Variants in AIG1 observed in about 807,000 individuals in gnomAD.
The protein encoded by AIG1 is androgen induced 1, also known as androgen-induced gene 1 protein.
AIG1 carries 23 observed loss-of-function variants against 31.4 expected under a neutral mutation model. The observed-to-expected ratio is 0.73, with a 90% CI of 0.53 to 1.04. The LOEUF (loss-of-function observed/expected upper bound fraction) is 1.04. Among genes scored for constraint, AIG1 ranks in the 50% least tolerant of loss-of-function variants. The pLI is 0.00. For synonymous variants in AIG1, 100 were observed against 110.5 expected (o/e 0.90, Z 0.60); for missense variants, 274 against 295.0 (o/e 0.93, Z 0.52).
rs1041845868 is a variant in AIG1, at chr6:143,234,673, T to C, written c.400-49437T>C. Among the ~76,000 whole-genome samples the C allele has an allele frequency of 5.3e-5, 8 of 152,216 alleles. 1 individual carries two copies. The highest frequency in any genetic ancestry group is 6.5e-5 in the Admixed American group (1 of 15,280). On this transcript the variant is annotated intron_variant, in intron 3 of 5. Coordinates refer to ENST00000357847, the MANE Select transcript of AIG1 (RefSeq NM_016108.4). ...CCTTTTTTTAACTGAGATTTTCAAG[T>C]GTTCTTTCTGGAATCGGGTGAGTGA...
intron 2 of AIG1, among the ~76,000 whole-genome samples, chr6:143,145,751 A>C (rs2128537403): frequency 6.6e-6 from 1 of 152,358 alleles, no homozygotes; most frequent in Middle Eastern, 3.4e-3. Flanking sequence ...AATAAGTAAC[A>C]AATTTAGGGA....
rs927797363 is a variant in AIG1 at position 143,291,188 on chromosome 6, G to A, written c.515+6963G>A. On this transcript the variant is annotated intron_variant, in intron 4 of 5. Coordinates refer to ENST00000357847, the MANE Select transcript of AIG1 (RefSeq NM_016108.4). The surrounding 1 kb of genome is among the most constrained non-coding windows in gnomAD (Gnocchi z 4.2). ...TGGCAGGGCAGAGGGAGGGGGAGCT[G>A]TAAAGCCGCCTGTGATCCCATCATT... is the stretch of plus-strand genomic sequence containing the variant. Among the ~76,000 whole-genome samples the A allele has an allele frequency of 5.3e-5, 8 of 152,188 alleles. No homozygotes were observed. The highest frequency in any genetic ancestry group is 1.0e-4 in the Non-Finnish European group (7 of 68,032).
intron 3 of AIG1, among the ~76,000 whole-genome samples, chr6:143,218,082 G>A (rs555884769): frequency 4.6e-5 from 7 of 152,310 alleles, no homozygotes; most frequent in South Asian, 2.1e-4. Flanking sequence ...TCTCATTTGC[G>A]AATTCACTTA....
intron 4 of AIG1, among the ~76,000 whole-genome samples, chr6:143,289,382 C>T (rs1017247004): frequency 6.6e-6 from 1 of 152,032 alleles, no homozygotes; most frequent in Non-Finnish European, 1.5e-5. Flanking sequence ...AATGTTAATC[C>T]TGGTCAGTTG....
intron 3 of AIG1, among the ~76,000 whole-genome samples, chr6:143,220,533 C>T (rs1190916012): frequency 6.6e-6 from 1 of 152,152 alleles, no homozygotes; most frequent in Non-Finnish European, 1.5e-5. Flanking sequence ...ATTGCCAACT[C>T]TGAAGCTTCA....
chr6:143,301,987 T>C (rs1025098843), intron 4 of AIG1, among the ~76,000 whole-genome samples: 35 of 147,988 alleles, frequency 2.4e-4, no homozygotes, highest in African/African-American at 6.1e-4. Context: ...TTGATCTTAT[T>C]CCAGGTTAAT....
rs1477388884 is a variant in AIG1, at chr6:143,325,339, A to C, written c.516-7943A>C. On this transcript the variant is annotated intron_variant, in intron 4 of 5. Transcript: ENST00000357847. This position sits in a 1 kb window ranked among gnomAD's most constrained non-coding sequence, Gnocchi z 4.3. ...AGACCCTGTACTCTTCCTGGGTCTC[A>C]GTCTGTCCTGATAGTTTCAACCACA... is the stretch of plus-strand genomic sequence containing the variant. 6.6e-6 allele frequency among the ~76,000 whole-genome samples: 1 copy of C among 152,028 alleles called. No homozygotes were observed.
chr6:143,188,057 A>C, intron 3 of AIG1: 4 of 1,073,814 alleles, frequency 3.7e-6, no homozygotes, highest in Non-Finnish European at 4.5e-6. Flanking sequence ...CATTTGCTGA[A>C]GGAGAGGTTG....
At chr6:143,156,140 C>G (rs567263601) in intron 2 of AIG1, among the ~76,000 whole-genome samples, 10 of 152,120 alleles carry the variant, frequency 6.6e-5, no homozygotes. Context: ...TTGGTGCAAA[C>G]GTAATTGTGC....
In AIG1 at chr6:143,189,580, T is replaced by C. The variant is rs1470392009; in HGVS notation, c.399+24397T>C. ...TATTTGGTAAGTTTGCATGGAAAGT[T>C]CTGACAGGAAACTCAGAAATATTTC... On this transcript the variant is annotated intron_variant, in intron 3 of 5. Transcript: ENST00000357847. 3 of 985,314 alleles carry C rather than the reference T, an allele frequency of 3.0e-6. No homozygotes were observed. The African/African-American group carries it at 5.2e-5, about 17-fold the overall frequency. The allele number at this position is 985,314 out of a possible 1,614,324, so 61.0% of individuals were successfully genotyped here.
At chr6:143,113,260 A>G (rs1425819070) in intron 1 of AIG1, among the ~76,000 whole-genome samples, 1 of 152,102 alleles carries the variant, frequency 6.6e-6, no homozygotes, top group Non-Finnish European at 1.5e-5. Flanking sequence ...AGAACAGCCT[A>G]AAGCCTTGAA....
intron 3 of AIG1, among the ~76,000 whole-genome samples, chr6:143,214,620 T>A (rs2128618600): frequency 6.6e-6 from 1 of 152,266 alleles, no homozygotes; most frequent in East Asian, 1.9e-4. Context: ...CAGAATTTGA[T>A]CCTTATGAAA....
rs1239558360 is a variant in AIG1 at position 143,331,141 on chromosome 6, C to T, written c.516-2141C>T. Among the ~76,000 whole-genome samples, 2 of 151,810 alleles carry T rather than the reference C, an allele frequency of 1.3e-5. No individual in the cohort carries two copies. Among genetic ancestry groups the T allele is most frequent in the Non-Finnish European group, 2.9e-5 (2 of 67,954 alleles). ...CCTCTACCAAGGAACCTTTGTAGAC[C>T]TGTTTTTTTTTTCCTAATTTCCACC... is the stretch of plus-strand genomic sequence containing the variant. On this transcript the variant is annotated intron_variant, in intron 4 of 5. Transcript: ENST00000357847. This position sits in a 1 kb window ranked among gnomAD's most constrained non-coding sequence, Gnocchi z 4.1.
intron 1 of AIG1, among the ~76,000 whole-genome samples, chr6:143,081,804 C>A (rs1172502965): frequency 6.6e-6 from 1 of 152,124 alleles, no homozygotes; most frequent in African/African-American, 2.4e-5. Context: ...CGTGAGTTTC[C>A]CCATTCCATT....
At chr6:143,272,722 C>G (rs1211636553) in intron 3 of AIG1, among the ~76,000 whole-genome samples, 1 of 152,192 alleles carries the variant, frequency 6.6e-6, no homozygotes, top group African/African-American at 2.4e-5. Context: ...TTTAATGGAA[C>G]AATAACAGTT....
At chr6:143,132,990 T>G (rs868100247) in intron 1 of AIG1, among the ~76,000 whole-genome samples, 1 of 152,146 alleles carries the variant, frequency 6.6e-6, no homozygotes, top group African/African-American at 2.4e-5. Context: ...AGTTATTTAA[T>G]GCACTTGTCT....
intron 2 of AIG1, among the ~76,000 whole-genome samples, chr6:143,152,762 G>A (rs944633019): frequency 3.5e-4 from 53 of 152,098 alleles, no homozygotes; most frequent in African/African-American, 1.2e-3. Flanking sequence ...CCTTATTTTC[G>A]CCACACCCTA....
intron 1 of AIG1, among the ~76,000 whole-genome samples, chr6:143,107,897 A>G (rs550291694): frequency 6.6e-6 from 1 of 152,320 alleles, no homozygotes; most frequent in African/African-American, 2.4e-5. Context: ...GAAAAAAAGA[A>G]TTCTTTATTA....
chr6:143,138,481 A>G (rs997093042), intron 2 of AIG1, among the ~76,000 whole-genome samples: 1 of 152,164 alleles, frequency 6.6e-6, no homozygotes, highest in Non-Finnish European at 1.5e-5. Context: ...ATATGCATGT[A>G]TATTATATAT....
Sources: gnomAD v4.1 joint callset for allele counts (sites outside exome capture counted in the v4.1 genomes callset) on GRCh38, gnomAD v4.1.1 for gene constraint, Gnocchi (gnomAD v3.1) non-coding constraint, MANE v1.5 for transcripts, NCBI Gene and HGNC (gene_info 2026-07-23, HGNC 2026-07-21) for gene names.